Variants in GRB10 observed in about 807,000 individuals in gnomAD.
GRB10 encodes the protein growth factor receptor-bound protein 10.
A neutral mutation model predicts 80.9 loss-of-function variants in GRB10; 20 were observed. The observed-to-expected ratio is 0.25, with a 90% CI of 0.17 to 0.36. The LOEUF is 0.36. Among genes scored for constraint, GRB10 ranks in the 10% least tolerant of loss-of-function variants. The probability of loss-of-function intolerance (pLI) is 1.00; values close to 1 mark genes in which losing one functional copy is unlikely to be tolerated. For missense variants in GRB10, 548 were observed against 747.7 expected (o/e 0.73, Z 3.12); for synonymous variants, 291 against 291.5 (o/e 1.00, Z 0.02).
In GRB10 at chr7:50,626,749, T is replaced by G. The variant is rs906444541; in HGVS notation, c.661+73A>C. On this transcript the variant is annotated intron_variant, in intron 8 of 18. Coordinates refer to ENST00000401949, the MANE Select transcript of GRB10 (RefSeq NM_001350814.2). ...GACACTGCGGTCACACATTTGGCAT[T>G]TGGCAGCAGCAGTCTTCATTCAATT... The G allele has an allele frequency of 7.7e-6, 12 of 1,560,682 alleles. No individual in the cohort carries two copies. In the East Asian group the frequency reaches 2.0e-4, roughly 26 times the overall value.
chr7:50,743,262 T>C (rs1250152228), intron 3 of GRB10, among the ~76,000 whole-genome samples: 2 of 152,236 alleles, frequency 1.3e-5, no homozygotes, highest in Non-Finnish European at 2.9e-5. Context: ...TGACCTTTGA[T>C]TTTTTATTCT....
In GRB10 at chr7:50,721,762, G is replaced by A. The variant is rs566070534; in HGVS notation, c.51+10510C>T. Among the ~76,000 whole-genome samples the A allele has an allele frequency of 1.3e-3, 191 of 152,292 alleles. 1 individual carries two copies. The highest frequency in any genetic ancestry group is 4.4e-3 in the African/African-American group (183 of 41,554). On this transcript the variant is annotated intron_variant, in intron 4 of 18. Coordinates refer to ENST00000401949, the MANE Select transcript of GRB10 (RefSeq NM_001350814.2). ...TCTGTCCTCAAGCAGAATCTGGGGT[G>A]GCTGAGGATGGGGGAGGACAGACGA...
intron 3 of GRB10, among the ~76,000 whole-genome samples, chr7:50,740,637 A>G (rs1262930763): frequency 6.6e-6 from 1 of 152,150 alleles, no homozygotes; most frequent in African/African-American, 2.4e-5. Flanking sequence ...AGAATGGAAA[A>G]CAATATTTAC....
At chr7:50,738,824 A>T (rs1401033268) in intron 3 of GRB10, among the ~76,000 whole-genome samples, 1 of 152,234 alleles carries the variant, frequency 6.6e-6, no homozygotes, top group African/African-American at 2.4e-5. Context: ...TGATTAAGAA[A>T]TTGTATCAAT....
At chr7:50,604,956 C>T (rs1005436239) in intron 15 of GRB10, 1 of 339,602 alleles carries the variant, frequency 2.9e-6, no homozygotes, top group Admixed American at 4.5e-5. Flanking sequence ...GCTGGCCCCA[C>T]TCAGGCCTGG....
intron 4 of GRB10, among the ~76,000 whole-genome samples, chr7:50,717,662 T>C (rs377420727): frequency 6.6e-6 from 1 of 152,356 alleles, no homozygotes; most frequent in East Asian, 1.9e-4. Context: ...TCTCCCTAAG[T>C]TAGGAACCTC....
chr7:50,771,016 AGGACTTCAATGT>A (rs140967553), intron 2 of GRB10, among the ~76,000 whole-genome samples: 1,780 of 152,244 alleles, frequency 0.012, 27 homozygotes, highest in African/African-American at 0.04. Flanking sequence ...CCCAGCACCC[AGGACTTCAATGT>A]GCCCTGTGGA....
intron 10 of GRB10, chr7:50,617,754 A>T (rs1045531646): frequency 9.0e-6 from 4 of 444,970 alleles, no homozygotes; most frequent in Non-Finnish European, 1.6e-5. Flanking sequence ...GGGAGCCCTG[A>T]GACTGGGGTT....
intron 7 of GRB10, among the ~76,000 whole-genome samples, chr7:50,636,243 T>C (rs1161059049): frequency 6.6e-6 from 1 of 152,076 alleles, no homozygotes; most frequent in African/African-American, 2.4e-5. Flanking sequence ...CCTCCCAAAG[T>C]GCTGGGATTA....
At chr7:50,602,915 G>A (rs1319438441) in intron 17 of GRB10, among the ~76,000 whole-genome samples, 1 of 152,114 alleles carries the variant, frequency 6.6e-6, no homozygotes, top group Non-Finnish European at 1.5e-5. Context: ...AGGAGGAAGA[G>A]GAGGAGAAAA....
chr7:50,618,658 G>A (rs2051091207), intron 9 of GRB10, among the ~76,000 whole-genome samples: 1 of 152,226 alleles, frequency 6.6e-6, no homozygotes. Flanking sequence ...TGCCCCAGGA[G>A]CTAGGAGGTG....
intron 7 of GRB10, among the ~76,000 whole-genome samples, chr7:50,644,855 G>T (rs1301199179): frequency 1.3e-5 from 2 of 152,232 alleles, no homozygotes; most frequent in Non-Finnish European, 2.9e-5. Flanking sequence ...TGACAGACAG[G>T]TGGAAGGGGC....
upstream of GRB10, among the ~76,000 whole-genome samples, chr7:50,786,587 T>A (rs1272441304): frequency 6.6e-6 from 1 of 152,242 alleles, no homozygotes; most frequent in East Asian, 1.9e-4. Context: ...CTAAAGGCAA[T>A]GGAAGCCTCT....
At chr7:50,604,779 G>A (rs1236177313) in intron 15 of GRB10, 1 of 340,128 alleles carries the variant, frequency 2.9e-6, no homozygotes, top group African/African-American at 2.1e-5. Flanking sequence ...CTGAAGTACA[G>A]AAAATGCCAG....
At chr7:50,692,605 C>T (rs1025741434) in intron 5 of GRB10, among the ~76,000 whole-genome samples, 2 of 151,974 alleles carry the variant, frequency 1.3e-5, no homozygotes, top group African/African-American at 4.8e-5. Context: ...TTCTGGAGTC[C>T]ACAAGTCTAT....
chr7:50,635,266 C>T lies in GRB10; in HGVS notation c.505-8288G>A, dbSNP rs778822102. Among the ~76,000 whole-genome samples, 47 of 152,104 alleles carry T rather than the reference C, an allele frequency of 3.1e-4. 1 individual carries two copies. Among genetic ancestry groups the T allele is most frequent in the Non-Finnish European group, 5.4e-4 (37 of 68,018 alleles). ...GTACAAATACGTGGAAACTAAAAAACGTGCTCCTGAATGACTTTTGGGTAA... is the reference window on the plus strand; with the variant it reads ...GTACAAATACGTGGAAACTAAAAAATGTGCTCCTGAATGACTTTTGGGTAA... On this transcript the variant is annotated intron_variant, in intron 7 of 18. Transcript: ENST00000401949.
intron 3 of GRB10, among the ~76,000 whole-genome samples, chr7:50,739,983 G>A (rs2071435633): frequency 6.6e-6 from 1 of 152,210 alleles, no homozygotes; most frequent in Non-Finnish European, 1.5e-5. Context: ...TCTGCTTAAA[G>A]GAACCTAGCC....
At chr7:50,656,615 A>T (rs1412902374) in intron 7 of GRB10, among the ~76,000 whole-genome samples, 5 of 152,218 alleles carry the variant, frequency 3.3e-5, no homozygotes, top group Non-Finnish European at 2.9e-5. Flanking sequence ...CAAATCCTGG[A>T]GTCCCTGCAA....
chr7:50,749,468 T>G (rs1363050453), intron 3 of GRB10, among the ~76,000 whole-genome samples: 2 of 152,198 alleles, frequency 1.3e-5, no homozygotes, highest in African/African-American at 4.8e-5. Context: ...TGTATAATTG[T>G]GAGATGGAAT....
Sources: gnomAD v4.1 joint callset for allele counts (sites outside exome capture counted in the v4.1 genomes callset) on GRCh38, gnomAD v4.1.1 for gene constraint, MANE v1.5 for transcripts, NCBI Gene and HGNC (gene_info 2026-07-23, HGNC 2026-07-21) for gene names.